Variants in UGGT2 observed in about 807,000 individuals in gnomAD.
The protein encoded by UGGT2 is UDP-glucose glycoprotein glucosyltransferase 2, also known as UDP-glucose:glycoprotein glucosyltransferase 2.
A neutral mutation model predicts 192.1 loss-of-function variants in UGGT2; 180 were observed. That is an observed-to-expected ratio of 0.94 (90% CI 0.83 to 1.06). UGGT2 has a LOEUF of 1.06. Ranked by LOEUF, UGGT2 falls within the 50% of genes least tolerant of loss-of-function variation. UGGT2 has a pLI of 0.00. For synonymous variants in UGGT2, 580 were observed against 591.0 expected (o/e 0.98, Z 0.27); for missense variants, 1,849 against 1,795.7 (o/e 1.03, Z -0.54).
At chr13:95,970,412 A>G in intron 11 of UGGT2, 150 bp from the exon 12 acceptor site, 3 of 664,856 alleles carry the variant, frequency 4.5e-6, no homozygotes, top group Non-Finnish European at 7.5e-6. Context: ...TTAAGAAATA[A>G]GGCAAATAGT....
At position 95,859,591 on chromosome 13, in the gene UGGT2, T is replaced by C. The variant is rs1429443748; in HGVS notation, c.3825A>G (p.Lys1275=). The part of the protein sequence containing the change: ...LLKNYLSPTF[K]EVIPHMAKEY... ...TCTACAAAAAAAGCTATGTACTTAC[T>C]TTAAATGTCGGTGAGAGATAATTTT... is the stretch of plus-strand genomic sequence containing the variant. The change falls in exon 33 of 39, where the codon AAA becomes AAG. Residue 1275 remains lysine (K), a splice_region_variant and synonymous_variant. Coordinates refer to ENST00000376747, the MANE Select transcript of UGGT2 (RefSeq NM_020121.4). The C allele has an allele frequency of 1.2e-6, 2 of 1,608,102 alleles. No homozygotes were observed. Among genetic ancestry groups the C allele is most frequent in the African/African-American group, 2.7e-5 (2 of 74,720 alleles).
At chr13:96,007,816 T>C (rs2052028081) in intron 5 of UGGT2, among the ~76,000 whole-genome samples, 1 of 152,200 alleles carries the variant, frequency 6.6e-6, no homozygotes, top group African/African-American at 2.4e-5. Context: ...AGATATTCCA[T>C]GTTCATGGAA....
chr13:95,811,235 G>A (rs565525302), intron 38 of UGGT2, among the ~76,000 whole-genome samples: 5 of 152,258 alleles, frequency 3.3e-5, no homozygotes, highest in South Asian at 4.2e-4. Context: ...ATATGACCCA[G>A]TGATTTCACT....
At chr13:95,944,146 GT>G (rs2049786746) in intron 15 of UGGT2, among the ~76,000 whole-genome samples, 1 of 151,760 alleles carries the variant, frequency 6.6e-6, no homozygotes, top group African/African-American at 2.4e-5. Flanking sequence ...GATTTCTTTT[GT>G]TAATATTTTA....
chr13:95,953,109 C>T (rs1290990062), intron 12 of UGGT2, among the ~76,000 whole-genome samples: 1 of 152,152 alleles, frequency 6.6e-6, no homozygotes, highest in Non-Finnish European at 1.5e-5. Flanking sequence ...AAGTTGACTG[C>T]TACAACAGTG....
chr13:96,033,988 G>A (rs769651769), intron 1 of UGGT2, among the ~76,000 whole-genome samples: 12 of 152,310 alleles, frequency 7.9e-5, no homozygotes, highest in Admixed American at 2.0e-4. Context: ...CCTGGGGGCT[G>A]GGCTACCTCT....
chr13:95,858,697 C>T (rs1384314379), intron 33 of UGGT2, among the ~76,000 whole-genome samples: 3 of 152,152 alleles, frequency 2.0e-5, no homozygotes, highest in African/African-American at 4.8e-5. Flanking sequence ...GTGAGCACAG[C>T]TGTTTTTTGG....
intron 38 of UGGT2, among the ~76,000 whole-genome samples, chr13:95,830,333 G>A (rs1388551844): frequency 6.6e-6 from 1 of 152,188 alleles, no homozygotes; most frequent in Non-Finnish European, 1.5e-5. Context: ...TATCGTCAGA[G>A]TGAGCAGGCA....
At position 95,902,918 on chromosome 13, in the gene UGGT2, A is replaced by G. The variant is rs1447884651; in HGVS notation, c.2438T>C (p.Leu813Pro). 1 of 1,613,438 alleles carries G rather than the reference A, an allele frequency of 6.2e-7. No homozygotes were observed. ...AGCTGTAGCAATTTCTTCCTTTGCC[A>G]GTTGCCCAAGAAAGCTTCTCAAAAA... The part of the protein sequence containing the change: ...NMFLRSFLGQ[L>P]AKEEIATAIY... Residue 813 changes from leucine (L) to proline (P), a missense_variant, in exon 21 of 39, where the codon CTG (leucine) becomes CCG (proline). Leu to Pro is a moderately conservative substitution (Grantham distance 98). Transcript: ENST00000376747.
At chr13:96,000,841 C>G (rs1236648647) in intron 5 of UGGT2, among the ~76,000 whole-genome samples, 1 of 149,560 alleles carries the variant, frequency 6.7e-6, no homozygotes, top group African/African-American at 2.5e-5. Context: ...GATTTGCAAA[C>G]CAAACTACCA....
intron 10 of UGGT2, 87 bp from the exon 11 acceptor site, chr13:95,972,758 CAG>C: frequency 1.0e-6 from 1 of 997,612 alleles, no homozygotes; most frequent in South Asian, 1.5e-5. Context: ...TATAAAGAGT[CAG>C]AGAGTAAATA....
At chr13:95,962,890 G>A (rs1041577032) in intron 12 of UGGT2, among the ~76,000 whole-genome samples, 2 of 152,088 alleles carry the variant, frequency 1.3e-5, no homozygotes, top group African/African-American at 2.4e-5. Context: ...TCACAATCAC[G>A]GTGGGAGGCA....
intron 17 of UGGT2, among the ~76,000 whole-genome samples, chr13:95,933,867 G>A (rs911422627): frequency 2.6e-5 from 4 of 152,020 alleles, no homozygotes; most frequent in East Asian, 1.9e-4. Flanking sequence ...TGTACTTTTA[G>A]TAGAGATGGG....
At chr13:96,008,853 A>C (rs1301785534) in intron 5 of UGGT2, among the ~76,000 whole-genome samples, 1 of 152,244 alleles carries the variant, frequency 6.6e-6, no homozygotes, top group Non-Finnish European at 1.5e-5. Flanking sequence ...TACCAATGAC[A>C]TTCTTCACAG....
chr13:95,809,123 T>C (rs1352058000), intron 38 of UGGT2, among the ~76,000 whole-genome samples: 2 of 152,212 alleles, frequency 1.3e-5, no homozygotes, highest in Non-Finnish European at 2.9e-5. Flanking sequence ...TGGTGAATGA[T>C]TTAGCTCTTT....
intron 30 of UGGT2, among the ~76,000 whole-genome samples, chr13:95,864,766 A>G (rs1199892295): frequency 6.6e-6 from 1 of 152,108 alleles, no homozygotes; most frequent in Non-Finnish European, 1.5e-5. Context: ...TTTTCTTTAC[A>G]TTGGTTTACA....
chr13:95,928,731 G>C (rs566682019), intron 17 of UGGT2, among the ~76,000 whole-genome samples: 1 of 152,052 alleles, frequency 6.6e-6, no homozygotes, highest in Non-Finnish European at 1.5e-5. Flanking sequence ...GGGCAGAGGG[G>C]CTCCTCACAT....
intron 20 of UGGT2, among the ~76,000 whole-genome samples, chr13:95,912,388 G>A (rs1483589756): frequency 6.6e-6 from 1 of 152,160 alleles, no homozygotes; most frequent in Non-Finnish European, 1.5e-5. Context: ...CTTCAGCAAA[G>A]TCTCTGGATA....
At chr13:95,804,812 A>C (rs1235194741) in intron 38 of UGGT2, among the ~76,000 whole-genome samples, 2 of 152,180 alleles carry the variant, frequency 1.3e-5, no homozygotes, top group East Asian at 3.8e-4. Context: ...TAAAAACCTA[A>C]ATATAAGACC....
Sources: allele counts gnomAD v4.1 joint callset (sites outside exome capture counted in the v4.1 genomes callset), GRCh38; gene constraint gnomAD v4.1.1; transcripts MANE v1.5; gene names NCBI Gene and HGNC (gene_info 2026-07-23, HGNC 2026-07-21).